The following TAF3 variants were observed in gnomAD, a reference collection of about 807,000 sequenced individuals.
TAF3 encodes the protein transcription initiation factor TFIID subunit 3.
TAF3 carries 7 observed loss-of-function variants against 80.6 expected under a neutral mutation model. That is an observed-to-expected ratio of 0.09 (90% confidence interval 0.05 to 0.16). TAF3 has a LOEUF of 0.16. Ranked by LOEUF, TAF3 falls within the 10% of genes least tolerant of loss-of-function variation. The probability of loss-of-function intolerance (pLI) is 1.00; values close to 1 mark genes in which losing one functional copy is unlikely to be tolerated. For synonymous variants in TAF3, 444 were observed against 446.1 expected (o/e 1.00, Z 0.06); for missense variants, 921 against 1,140.2 (o/e 0.81, Z 2.77).
chr10:7,908,936 T>C (rs12219539), intron 2 of TAF3, among the ~76,000 whole-genome samples: 29,949 of 152,186 alleles, frequency 0.2, 3,059 homozygotes, highest in East Asian at 0.3. Flanking sequence ...GCCCAGAACT[T>C]GCATTTCTAG....
intron 2 of TAF3, among the ~76,000 whole-genome samples, chr10:7,897,569 T>C (rs571148155): frequency 9.0e-4 from 137 of 152,318 alleles, no homozygotes; most frequent in African/African-American, 3.0e-3. Flanking sequence ...TCTTTTAATC[T>C]GATAATCCAT....
intron 4 of TAF3, among the ~76,000 whole-genome samples, chr10:8,007,589 TATATATATATATATATATATACC>T (rs1832008187): frequency 8.2e-6 from 1 of 121,556 alleles, no homozygotes; most frequent in South Asian, 2.6e-4. Context: ...TATATATATA[TATATATATATATATATATATACC>T]TTTTTTTTTT....
chr10:7,884,801 A>G (rs1296886480), intron 2 of TAF3, among the ~76,000 whole-genome samples: 1 of 152,146 alleles, frequency 6.6e-6, no homozygotes, highest in East Asian at 1.9e-4. Flanking sequence ...GCATTTATCC[A>G]TATCCATACA....
At chr10:7,959,993 A>G (rs1475901374) in intron 2 of TAF3, among the ~76,000 whole-genome samples, 1 of 152,166 alleles carries the variant, frequency 6.6e-6, no homozygotes, top group Non-Finnish European at 1.5e-5. Flanking sequence ...TCCCTGGAGA[A>G]CACACACTGT....
rs976803050 is a variant in TAF3 at position 7,892,506 on chromosome 10, G to T, written c.409+67946G>T. 3.9e-5 allele frequency among the ~76,000 whole-genome samples: 6 copies of T among 152,266 alleles called. 1 individual carries two copies. The South Asian group carries it at 1.0e-3, about 26-fold the overall frequency. On this transcript the variant is annotated intron_variant, in intron 2 of 6. Transcript: ENST00000344293. ...TTTTTCTTCTGTTACAATAAGATGTGATGATTTTTTAAAAAGCAGCATATA... is the reference window on the plus strand; with the variant it reads ...TTTTTCTTCTGTTACAATAAGATGTTATGATTTTTTAAAAAGCAGCATATA...
intron 2 of TAF3, among the ~76,000 whole-genome samples, chr10:7,892,818 C>CTTTTTT (rs1020623158): frequency 2.2e-5 from 3 of 137,144 alleles, no homozygotes; most frequent in East Asian, 2.1e-4. Context: ...TTTTCTTTTT[C>CTTTTTT]TTTTTTTTTT....
intron 2 of TAF3, among the ~76,000 whole-genome samples, chr10:7,962,486 C>T (rs1024310754): frequency 6.6e-6 from 1 of 152,184 alleles, no homozygotes; most frequent in Admixed American, 6.5e-5. Context: ...GTTTCTTTTT[C>T]TGGAATTCAA....
In TAF3 at chr10:7,890,982, C is replaced by A. The variant is rs1372894822; in HGVS notation, c.409+66422C>A. Reference sequence around the variant, plus strand: ...AACAGCGTAACTGAATTTTGCTAAGCATGTAGCTGAACTTGCGGATGCCAG... The same window carrying A: ...AACAGCGTAACTGAATTTTGCTAAGAATGTAGCTGAACTTGCGGATGCCAG... On this transcript the variant is annotated intron_variant, in intron 2 of 6. Transcript: ENST00000344293. Among the ~76,000 whole-genome samples the A allele has an allele frequency of 2.0e-5, 3 of 152,348 alleles. No homozygotes were observed. The East Asian group carries it at 5.8e-4, about 29-fold the overall frequency.
intron 2 of TAF3, among the ~76,000 whole-genome samples, chr10:7,839,876 G>T (rs764373571): frequency 6.6e-6 from 1 of 152,184 alleles, no homozygotes; most frequent in Non-Finnish European, 1.5e-5. Context: ...CTCAGCGGAG[G>T]TGTATACATG....
chr10:7,870,692 G>A (rs1023563538), intron 2 of TAF3, among the ~76,000 whole-genome samples: 1 of 151,972 alleles, frequency 6.6e-6, no homozygotes, highest in Non-Finnish European at 1.5e-5. Flanking sequence ...TTCTGAGTTC[G>A]CCTTCCTTCA....
At chr10:7,927,677 C>T (rs372845704) in intron 2 of TAF3, among the ~76,000 whole-genome samples, 2 of 152,118 alleles carry the variant, frequency 1.3e-5, no homozygotes, top group South Asian at 2.1e-4. Context: ...TCACTTATAA[C>T]CCCTTCCTCC....
chr10:7,842,547 C>T lies in TAF3; in HGVS notation c.409+17987C>T, dbSNP rs539203496. Among the ~76,000 whole-genome samples the T allele has an allele frequency of 5.3e-5, 8 of 152,128 alleles. 1 individual carries two copies. The South Asian group carries it at 1.7e-3, about 32-fold the overall frequency. ...TTTGTTCTAAAAGATTAAACAATAACCTTAAATTTTTTAGATGCGGGCTTA... is the reference window on the plus strand; with the variant it reads ...TTTGTTCTAAAAGATTAAACAATAATCTTAAATTTTTTAGATGCGGGCTTA... On this transcript the variant is annotated intron_variant, in intron 2 of 6. Coordinates refer to ENST00000344293, the MANE Select transcript of TAF3 (RefSeq NM_031923.4).
intron 2 of TAF3, among the ~76,000 whole-genome samples, chr10:7,840,623 G>A (rs930323372): frequency 6.6e-6 from 1 of 151,538 alleles, no homozygotes; most frequent in South Asian, 2.1e-4. Flanking sequence ...ATTTTCCCAC[G>A]TGTGTGAGGG....
intron 2 of TAF3, among the ~76,000 whole-genome samples, chr10:7,845,959 G>GTTTTT (rs34163537): frequency 1.5e-5 from 2 of 130,938 alleles, no homozygotes; most frequent in Non-Finnish European, 1.6e-5. Flanking sequence ...GTGTGTTTTT[G>GTTTTT]TTTTTTTTTT....
Position 7,964,900 on chromosome 10 carries a change from T to C in TAF3, c.1390T>C (p.Trp464Arg), listed in dbSNP as rs747934839. 3 of 1,614,100 alleles carry C rather than the reference T, an allele frequency of 1.9e-6. No individual in the cohort carries two copies. Among genetic ancestry groups the C allele is most frequent in the East Asian group, 4.5e-5 (2 of 44,868 alleles). The change falls in exon 3 of 7, where the codon TGG becomes CGG. Residue 464 changes from tryptophan to arginine, a missense_variant. Trp to Arg is a moderately radical substitution (Grantham distance 101, BLOSUM62 -3). This residue lies in a region of TAF3 where 743 missense variants were observed against 821.0 expected (regional missense o/e 0.90). Transcript: ENST00000344293. This position sits in a 1 kb window ranked among gnomAD's most constrained non-coding sequence, Gnocchi z 4.1. The stretch of plus-strand genomic sequence containing the variant: ...TGGAACCTCAAGTTCCGATAACTCA[T>C]GGACAATGGATGCCTCCATTGATGA... Reference protein sequence around the residue: ...SGGTSSSDNSWTMDASIDEVV... With the variant: ...SGGTSSSDNSRTMDASIDEVV...
chr10:7,935,441 T>G (rs1283260198), intron 2 of TAF3, among the ~76,000 whole-genome samples: 2 of 145,344 alleles, frequency 1.4e-5, no homozygotes, highest in Admixed American at 6.9e-5. Context: ...AAAAATAGCC[T>G]GGCGTGGTGG....
At chr10:7,857,043 G>A (rs1019858940) in intron 2 of TAF3, among the ~76,000 whole-genome samples, 1 of 152,170 alleles carries the variant, frequency 6.6e-6, no homozygotes, top group African/African-American at 2.4e-5. Context: ...ATGTCCGTAA[G>A]CAAACCACTG....
chr10:7,914,103 C>G (rs779029129), intron 2 of TAF3, among the ~76,000 whole-genome samples: 22 of 151,522 alleles, frequency 1.5e-4, no homozygotes, highest in Non-Finnish European at 2.5e-4. Flanking sequence ...TTTTTTTTTG[C>G]AATTTTTTGA....
Position 7,881,561 on chromosome 10 carries a change from A to G in TAF3, c.409+57001A>G, listed in dbSNP as rs551881732. ...AATTTAGCAATGAAGCTGGAACGTAATAAGTTTTTTATATCAAATAGGTAT... is the reference window on the plus strand; with the variant it reads ...AATTTAGCAATGAAGCTGGAACGTAGTAAGTTTTTTATATCAAATAGGTAT... On this transcript the variant is annotated intron_variant, in intron 2 of 6. Coordinates refer to ENST00000344293, the MANE Select transcript of TAF3 (RefSeq NM_031923.4). 1.5e-3 allele frequency among the ~76,000 whole-genome samples: 225 copies of G among 152,252 alleles called. 1 individual carries two copies. The highest frequency in any genetic ancestry group is 2.1e-3 in the Non-Finnish European group (141 of 68,018).
Sources: gnomAD v4.1 joint callset for allele counts (sites outside exome capture counted in the v4.1 genomes callset) on GRCh38, gnomAD v4.1.1 for gene constraint, gnomAD v4.1.1 regional missense constraint, Gnocchi (gnomAD v3.1) non-coding constraint, MANE v1.5 for transcripts, NCBI Gene and HGNC (gene_info 2026-07-23, HGNC 2026-07-21) for gene names.